Variants in CTDSPL observed in about 807,000 individuals in gnomAD.
The protein encoded by CTDSPL is CTD small phosphatase like.
A neutral mutation model predicts 30.5 loss-of-function variants in CTDSPL; 8 were observed. The observed-to-expected ratio is 0.26, with a 90% CI of 0.15 to 0.47. The LOEUF is 0.47. CTDSPL is among the 20% of genes least tolerant of loss of function. The pLI is 0.99. For synonymous variants in CTDSPL, 110 were observed against 137.9 expected (o/e 0.80, Z 1.42); for missense variants, 248 against 366.1 (o/e 0.68, Z 2.63).
intron 2 of CTDSPL, among the ~76,000 whole-genome samples, chr3:37,955,375 C>G (rs1036703843): frequency 1.3e-5 from 2 of 152,110 alleles, no homozygotes; most frequent in Admixed American, 1.3e-4. Flanking sequence ...CGCAGTGAGC[C>G]GTGATCACAC....
chr3:37,936,503 G>A (rs1444623632), intron 1 of CTDSPL, among the ~76,000 whole-genome samples: 1 of 151,982 alleles, frequency 6.6e-6, no homozygotes, highest in African/African-American at 2.4e-5. Flanking sequence ...TGTAATGTAT[G>A]CATAGACTGC....
intron 1 of CTDSPL, among the ~76,000 whole-genome samples, chr3:37,885,802 G>T (rs982853884): frequency 5.3e-5 from 8 of 152,192 alleles, no homozygotes; most frequent in African/African-American, 1.9e-4. Context: ...GGGCTGATCT[G>T]CAAAGGGGTG....
chr3:37,903,535 T>C (rs142888766), intron 1 of CTDSPL, among the ~76,000 whole-genome samples: 1 of 152,320 alleles, frequency 6.6e-6, no homozygotes, highest in East Asian at 1.9e-4. Flanking sequence ...ATAAGGGTCT[T>C]CTGTCTCCTC....
chr3:37,862,271 C>A lies in CTDSPL; in HGVS notation c.72C>A (p.Gly24=). Residue 24 remains glycine (G), a synonymous_variant, in exon 1 of 8, where the codon GGC becomes GGA. Transcript: ENST00000273179. The surrounding 1 kb of genome is among the most constrained non-coding windows in gnomAD (Gnocchi z 4.3). ...ACGAGGGCCGGTTGCCGGGCGCGGG[C>A]GAGAAAGGTGAGGAGGGGCGCAGGC... is the stretch of plus-strand genomic sequence containing the variant. ...KEDEGRLPGA[G]EKASQCNVSL... 1.3e-6 allele frequency: 2 copies of A among 1,494,936 alleles called. No homozygotes were observed. The highest frequency in any genetic ancestry group is 1.8e-6 in the Non-Finnish European group (2 of 1,125,582). The allele number at this position is 1,494,936 out of a possible 1,614,324, so 92.6% of individuals were successfully genotyped here. A position where few individuals can be genotyped will look rare whatever the true frequency, so the allele number is the denominator to read the frequency against.
At chr3:37,883,893 G>A (rs900358902) in intron 1 of CTDSPL, among the ~76,000 whole-genome samples, 1 of 151,990 alleles carries the variant, frequency 6.6e-6, no homozygotes, top group African/African-American at 2.4e-5. Context: ...ATATCCTCTT[G>A]TCTTTATAAT....
chr3:37,912,517 AAAG>A (rs1304957206), intron 1 of CTDSPL, among the ~76,000 whole-genome samples: 3 of 152,184 alleles, frequency 2.0e-5, no homozygotes, highest in African/African-American at 7.2e-5. Context: ...TCAGGATGGG[AAAG>A]AAGGGAAGTG....
chr3:37,891,659 T>G (rs1480690600), intron 1 of CTDSPL, among the ~76,000 whole-genome samples: 2 of 152,252 alleles, frequency 1.3e-5, no homozygotes, highest in African/African-American at 4.8e-5. Context: ...CTTTCATTTT[T>G]CAGATAGTGA....
At chr3:37,864,622 A>G (rs1697988279) in intron 1 of CTDSPL, among the ~76,000 whole-genome samples, 1 of 152,066 alleles carries the variant, frequency 6.6e-6, no homozygotes, top group Non-Finnish European at 1.5e-5. Flanking sequence ...TCTAGAGTCA[A>G]ATGTTGGAAT....
intron 1 of CTDSPL, among the ~76,000 whole-genome samples, chr3:37,900,273 C>A (rs147903964): frequency 1.3e-5 from 2 of 152,042 alleles, no homozygotes; most frequent in South Asian, 4.1e-4. Context: ...ATTGTTTGGC[C>A]GGACATAAGG....
intron 7 of CTDSPL, among the ~76,000 whole-genome samples, chr3:37,978,801 T>C (rs1244314596): frequency 2.0e-5 from 3 of 152,210 alleles, no homozygotes. Flanking sequence ...GGAAGTGGTA[T>C]TTAGAGACCA....
At chr3:37,918,086 G>A (rs1250205115) in intron 1 of CTDSPL, among the ~76,000 whole-genome samples, 1 of 152,146 alleles carries the variant, frequency 6.6e-6, no homozygotes, top group Admixed American at 6.5e-5. Flanking sequence ...CATACAGAAG[G>A]CTGCCCCAGG....
At chr3:37,878,193 T>G (rs1698160617) in intron 1 of CTDSPL, among the ~76,000 whole-genome samples, 2 of 152,206 alleles carry the variant, frequency 1.3e-5, no homozygotes, top group African/African-American at 4.8e-5. Flanking sequence ...ATTTCTAATT[T>G]GATGAAGTCC....
chr3:37,929,705 A>T (rs183830303), intron 1 of CTDSPL, among the ~76,000 whole-genome samples: 1 of 152,200 alleles, frequency 6.6e-6, no homozygotes, highest in Non-Finnish European at 1.5e-5. Flanking sequence ...GTTTCTACAT[A>T]TAAGATCATG....
intron 3 of CTDSPL, among the ~76,000 whole-genome samples, chr3:37,963,425 C>T (rs184376076): frequency 7.2e-5 from 11 of 152,238 alleles, no homozygotes; most frequent in Admixed American, 4.6e-4. Context: ...GAAAGAGCCA[C>T]GTAAAAGGAA....
At chr3:37,885,299 A>G (rs996455298) in intron 1 of CTDSPL, among the ~76,000 whole-genome samples, 7 of 152,190 alleles carry the variant, frequency 4.6e-5, no homozygotes, top group Non-Finnish European at 7.3e-5. Flanking sequence ...CTGGAGTTTA[A>G]TAGGTAGCCA....
chr3:37,875,582 C>T (rs527976915), intron 1 of CTDSPL, among the ~76,000 whole-genome samples: 125 of 152,282 alleles, frequency 8.2e-4, no homozygotes, highest in South Asian at 8.1e-3. Context: ...TCATACTGTA[C>T]TTTAAACTGT....
chr3:37,964,472 C>A, intron 3 of CTDSPL, 99 bp from the exon 4 acceptor site: 1 of 757,004 alleles, frequency 1.3e-6, no homozygotes, highest in East Asian at 2.6e-5. Context: ...GCCCATTATA[C>A]GCTTGACCAG....
chr3:37,934,999 G>C (rs891565326), intron 1 of CTDSPL, among the ~76,000 whole-genome samples: 3 of 152,182 alleles, frequency 2.0e-5, no homozygotes, highest in Non-Finnish European at 4.4e-5. Flanking sequence ...ACAGACATAG[G>C]GTATGTGTGC....
chr3:37,933,452 T>C (rs1178013609), intron 1 of CTDSPL, among the ~76,000 whole-genome samples: 1 of 152,220 alleles, frequency 6.6e-6, no homozygotes. Context: ...ATTTTGTATT[T>C]AGAGGTTAAT....
Sources: gnomAD v4.1 joint callset for allele counts (sites outside exome capture counted in the v4.1 genomes callset) on GRCh38, gnomAD v4.1.1 for gene constraint, Gnocchi (gnomAD v3.1) non-coding constraint, MANE v1.5 for transcripts, NCBI Gene and HGNC (gene_info 2026-07-23, HGNC 2026-07-21) for gene names.